Variants in MAP2 observed in about 807,000 individuals in gnomAD.
The protein encoded by MAP2 is microtubule-associated protein 2.
MAP2 carries 14 observed loss-of-function variants against 137.6 expected under a neutral mutation model. The observed-to-expected ratio is 0.10, with a 90% CI of 0.07 to 0.16. MAP2 has a LOEUF of 0.16. MAP2 is among the 10% of genes least tolerant of loss of function. The pLI, the probability that MAP2 is intolerant of heterozygous loss-of-function variation, is 1.00. For synonymous variants in MAP2, 786 were observed against 782.3 expected (o/e 1.00, Z -0.08); for missense variants, 2,088 against 2,191.5 (o/e 0.95, Z 0.94).
intron 1 of MAP2, among the ~76,000 whole-genome samples, chr2:209,485,336 TA>T (rs1202343005): frequency 1.3e-5 from 2 of 152,224 alleles, no homozygotes; most frequent in Non-Finnish European, 2.9e-5. Context: ...CAAGAAGAGT[TA>T]ATCAATTCAT....
At chr2:209,438,823 C>G (rs1260647816) in intron 1 of MAP2, among the ~76,000 whole-genome samples, 1 of 151,392 alleles carries the variant, frequency 6.6e-6, no homozygotes, top group Non-Finnish European at 1.5e-5. Flanking sequence ...TGTTACATAT[C>G]ATCTTCATAA....
intron 1 of MAP2, among the ~76,000 whole-genome samples, chr2:209,444,277 C>T (rs114515407): frequency 1.8e-3 from 267 of 151,554 alleles, no homozygotes; most frequent in African/African-American, 6.2e-3. Flanking sequence ...GTATGTGTCT[C>T]TCTAGTTCAG....
chr2:209,677,403 TAGACAGACAGACAGAC>T (rs71395564), intron 5 of MAP2, among the ~76,000 whole-genome samples: 2 of 146,444 alleles, frequency 1.4e-5, no homozygotes, highest in African/African-American at 2.6e-5. Flanking sequence ...GATAGATAGA[TAGACAGACAGACAGAC>T]AGACAGACAG....
At chr2:209,438,637 A>G (rs909966336) in intron 1 of MAP2, among the ~76,000 whole-genome samples, 3 of 151,540 alleles carry the variant, frequency 2.0e-5, no homozygotes, top group African/African-American at 7.3e-5. Context: ...CATTGAGCTG[A>G]GGAGCCCTGG....
rs889271761 is a variant in MAP2 at position 209,643,961 on chromosome 2, G to T, written c.-29-9181G>T. On this transcript the variant is annotated intron_variant, in intron 4 of 15. Coordinates refer to ENST00000682079, the MANE Select transcript of MAP2 (RefSeq NM_001375505.1). ...TAGTCTATAGGGATGTTCCATGTGT[G>T]TATTTTTATCACTCCTCATTCTTTT... Among the ~76,000 whole-genome samples the T allele has an allele frequency of 4.6e-5, 7 of 152,294 alleles. No individual in the cohort carries two copies. The South Asian group carries it at 1.2e-3, about 27-fold the overall frequency.
Position 209,693,838 on chromosome 2 carries a change from T to A in MAP2, c.1668T>A (p.Ala556=). The change falls in exon 8 of 16, where the codon GCT becomes GCA. Residue 556 remains alanine, a synonymous_variant. Transcript: ENST00000682079. ...KIEGVGAATS[A]ELDMPFYEDK... is the part of the protein sequence containing the mutation. ...AAGGAGTTGGAGCTGCAACATCAGC[T>A]GAGCTTGATATGCCATTTTATGAAG... 9.9e-6 allele frequency: 16 copies of A among 1,613,770 alleles called. No homozygotes were observed. The highest frequency in any genetic ancestry group is 9.3e-6 in the Non-Finnish European group (11 of 1,179,898).
At chr2:209,723,245 A>G (rs1226402161) in intron 13 of MAP2, among the ~76,000 whole-genome samples, 1 of 152,166 alleles carries the variant, frequency 6.6e-6, no homozygotes, top group African/African-American at 2.4e-5. Flanking sequence ...ACCACTATTG[A>G]ACCTTACCTA....
At chr2:209,574,298 C>A (rs2153380913) in intron 2 of MAP2, among the ~76,000 whole-genome samples, 1 of 152,184 alleles carries the variant, frequency 6.6e-6, no homozygotes, top group South Asian at 2.1e-4. Context: ...ATTTATATCT[C>A]ACAAATAAGT....
At chr2:209,505,181 C>T (rs906595756) in intron 1 of MAP2, among the ~76,000 whole-genome samples, 3 of 152,122 alleles carry the variant, frequency 2.0e-5, no homozygotes, top group Admixed American at 2.0e-4. Flanking sequence ...CAGTTTATGG[C>T]ACCCTTAGTA....
Position 209,447,555 on chromosome 2 carries a change from A to T in MAP2, c.-222+23279A>T, listed in dbSNP as rs1274878672. On this transcript the variant is annotated intron_variant, in intron 1 of 15. Transcript: ENST00000682079. ...TAAAAATTTGAGTAGCCAGCAAAAG[A>T]AACGATAGCATTTTGTTTAGAGGAT... Among the ~76,000 whole-genome samples the T allele has an allele frequency of 2.0e-5, 3 of 152,064 alleles. No individual in the cohort carries two copies. In the South Asian group the frequency reaches 6.2e-4, roughly 31 times the overall value.
chr2:209,431,521 A>G (rs7561833), intron 1 of MAP2, among the ~76,000 whole-genome samples: 151,945 of 152,294 alleles, frequency 1, 75,803 homozygotes, highest in Non-Finnish European at 1. Context: ...TGAATTAGAG[A>G]ATGTTTGATG....
intron 3 of MAP2, among the ~76,000 whole-genome samples, chr2:209,583,952 G>GT (rs775171336): frequency 3.3e-5 from 5 of 151,960 alleles, no homozygotes; most frequent in Non-Finnish European, 7.4e-5. Context: ...AGTCCCCAGT[G>GT]TCTATTGTTG....
In MAP2 at chr2:209,696,281, G is replaced by A. The variant is rs1385950050; in HGVS notation, c.4111G>A (p.Asp1371Asn). 4.4e-6 allele frequency: 7 copies of A among 1,603,912 alleles called. No individual in the cohort carries two copies. Among genetic ancestry groups the A allele is most frequent in the East Asian group, 4.5e-5 (2 of 44,840 alleles). Residue 1371 changes from aspartate (D) to asparagine (N), a missense_variant, in exon 8 of 16, where the codon GAT becomes AAT. Around this residue, in one of 6 missense-constraint regions of MAP2, gnomAD observed 591 missense variants for 642.6 expected, o/e 0.92. Coordinates refer to ENST00000682079, the MANE Select transcript of MAP2 (RefSeq NM_001375505.1). ...LSEYKTETYD[D>N]YKDETTIDDS... Reference sequence around the variant, plus strand: ...TGAATATAAGACAGAAACCTATGACGATTACAAAGATGAGACCACCATTGA... The same window carrying A: ...TGAATATAAGACAGAAACCTATGACAATTACAAAGATGAGACCACCATTGA...
chr2:209,550,761 A>G (rs1375966933), intron 2 of MAP2, among the ~76,000 whole-genome samples: 1 of 152,150 alleles, frequency 6.6e-6, no homozygotes, highest in Non-Finnish European at 1.5e-5. Flanking sequence ...CATGGATTAA[A>G]TATTTCTGGA....
Position 209,704,357 on chromosome 2 carries a change from G to T in MAP2, c.4585-1223G>T. On this transcript the variant is annotated intron_variant, in intron 11 of 15. Coordinates refer to ENST00000682079, the MANE Select transcript of MAP2 (RefSeq NM_001375505.1). Reference sequence around the variant, plus strand: ...CATGTGTTCTTATTAAAAAGACTTTGAGTTTCTTATATGTTTATACTTCTT... The same window carrying T: ...CATGTGTTCTTATTAAAAAGACTTTTAGTTTCTTATATGTTTATACTTCTT... 2 of 1,069,110 alleles carry T rather than the reference G, an allele frequency of 1.9e-6. 1 individual carries two copies. Among genetic ancestry groups the T allele is most frequent in the Non-Finnish European group, 2.6e-6 (2 of 756,872 alleles). The allele number at this position is 1,069,110 out of a possible 1,614,324, so 66.2% of individuals were successfully genotyped here.
At chr2:209,727,435 A>G (rs1434492123) in intron 14 of MAP2, among the ~76,000 whole-genome samples, 6 of 152,228 alleles carry the variant, frequency 3.9e-5, no homozygotes, top group African/African-American at 1.4e-4. Context: ...ACCTAGATGT[A>G]CGGAAAAATT....
chr2:209,517,550 G>A (rs983007459), intron 2 of MAP2, among the ~76,000 whole-genome samples: 6 of 151,790 alleles, frequency 4.0e-5, no homozygotes, highest in African/African-American at 1.5e-4. Context: ...TACATGTCAT[G>A]GATTGCTTAG....
intron 1 of MAP2, among the ~76,000 whole-genome samples, chr2:209,472,990 C>T (rs1047379530): frequency 6.6e-6 from 1 of 152,156 alleles, no homozygotes; most frequent in South Asian, 2.1e-4. Flanking sequence ...TCTTCTGATT[C>T]TTTCAACATC....
At chr2:209,455,572 C>T (rs1193456613) in intron 1 of MAP2, among the ~76,000 whole-genome samples, 1 of 152,210 alleles carries the variant, frequency 6.6e-6, no homozygotes, top group South Asian at 2.1e-4. Context: ...AGGAAGATTT[C>T]CTGACACACT....
Sources: gnomAD v4.1 joint callset for allele counts (sites outside exome capture counted in the v4.1 genomes callset) on GRCh38, gnomAD v4.1.1 for gene constraint, gnomAD v4.1.1 regional missense constraint, MANE v1.5 for transcripts, NCBI Gene and HGNC (gene_info 2026-07-23, HGNC 2026-07-21) for gene names.